The following RALGAPA1 variants were observed in gnomAD, a reference collection of about 807,000 sequenced individuals.
RALGAPA1 encodes the protein ral GTPase-activating protein subunit alpha-1.
Under a neutral mutation model 269.6 loss-of-function variants are expected in RALGAPA1, and 52 were observed. That is an observed-to-expected ratio of 0.19 (90% confidence interval 0.15 to 0.24). The LOEUF is 0.24. Among genes scored for constraint, RALGAPA1 ranks in the 10% least tolerant of loss-of-function variants. The pLI is 1.00. For missense variants in RALGAPA1, 1,917 were observed against 3,013.9 expected (o/e 0.64, Z 8.52); for synonymous variants, 817 against 1,008.3 (o/e 0.81, Z 3.60).
intron 41 of RALGAPA1, among the ~76,000 whole-genome samples, chr14:35,543,984 C>T (rs1859442245): frequency 6.6e-6 from 1 of 152,162 alleles, no homozygotes; most frequent in Admixed American, 6.5e-5. Context: ...TAAAGGCAAA[C>T]ATGTGGTTTC....
At chr14:35,626,692 T>C (rs1162833317) in intron 34 of RALGAPA1, among the ~76,000 whole-genome samples, 2 of 152,160 alleles carry the variant, frequency 1.3e-5, no homozygotes, top group Admixed American at 6.6e-5. Flanking sequence ...GTAACATGCA[T>C]CAGAAAACAA....
chr14:35,616,956 G>C (rs1263159781), intron 35 of RALGAPA1, among the ~76,000 whole-genome samples: 1 of 152,126 alleles, frequency 6.6e-6, no homozygotes, highest in African/African-American at 2.4e-5. Context: ...AGAACCCACA[G>C]ACTACTTAGA....
chr14:35,548,808 C>T (rs1273058202), intron 40 of RALGAPA1, among the ~76,000 whole-genome samples: 1 of 152,086 alleles, frequency 6.6e-6, no homozygotes, highest in Admixed American at 6.6e-5. Flanking sequence ...AGAGTGCATG[C>T]TTAATTTGTA....
At chr14:35,630,971 C>G (rs1240695386) in intron 33 of RALGAPA1, among the ~76,000 whole-genome samples, 1 of 151,968 alleles carries the variant, frequency 6.6e-6, no homozygotes, top group Non-Finnish European at 1.5e-5. Context: ...CCATTCAATA[C>G]TAGATTAATA....
chr14:35,549,363 A>C, intron 39 of RALGAPA1, 129 bp from the exon 40 acceptor site: 1 of 950,522 alleles, frequency 1.1e-6, no homozygotes, highest in Non-Finnish European at 1.5e-6. Context: ...AATTATTCTT[A>C]TATATTGTTA....
intron 1 of RALGAPA1, among the ~76,000 whole-genome samples, chr14:35,784,974 G>A (rs2075698405): frequency 6.6e-6 from 1 of 152,070 alleles, no homozygotes; most frequent in Non-Finnish European, 1.5e-5. Context: ...CTTGAGGCCA[G>A]GGGTTTGAAA....
intron 36 of RALGAPA1, among the ~76,000 whole-genome samples, chr14:35,599,748 C>G (rs181909247): frequency 1.3e-5 from 2 of 152,154 alleles, no homozygotes; most frequent in Non-Finnish European, 2.9e-5. Context: ...TGAGACTCCA[C>G]CTCAAAACAA....
At chr14:35,635,168 T>C (rs749469003) in intron 32 of RALGAPA1, among the ~76,000 whole-genome samples, 5 of 132,282 alleles carry the variant, frequency 3.8e-5, no homozygotes, top group Non-Finnish European at 7.5e-5. Context: ...TGAAACTCCG[T>C]TTCAATAAAA....
At chr14:35,733,883 C>T (rs2070733225) in intron 12 of RALGAPA1, among the ~76,000 whole-genome samples, 1 of 152,020 alleles carries the variant, frequency 6.6e-6, no homozygotes, top group Non-Finnish European at 1.5e-5. Context: ...ACAGGAGATA[C>T]ACCAACAGCA....
At chr14:35,628,319 G>T (rs2061117387) in intron 33 of RALGAPA1, among the ~76,000 whole-genome samples, 1 of 152,100 alleles carries the variant, frequency 6.6e-6, no homozygotes, top group Non-Finnish European at 1.5e-5. Flanking sequence ...GGAGGCTGAG[G>T]CGGGAGGATT....
At position 35,668,752 on chromosome 14, in the gene RALGAPA1, C is replaced by A. The variant is rs543157741; in HGVS notation, c.5202+2637G>T. Reference sequence around the variant, plus strand: ...CCCAGGAGGTAAAGGCTGCAGTGAGCCTCGATTGTGCCACTGCACTCCAAT... The same window carrying A: ...CCCAGGAGGTAAAGGCTGCAGTGAGACTCGATTGTGCCACTGCACTCCAAT... On this transcript the variant is annotated intron_variant, in intron 26 of 41. Coordinates refer to ENST00000680220, the MANE Select transcript of RALGAPA1 (RefSeq NM_001346249.2). Among the ~76,000 whole-genome samples the A allele has an allele frequency of 3.3e-5, 5 of 152,242 alleles. No homozygotes were observed. The South Asian group carries it at 1.0e-3, about 32-fold the overall frequency.
intron 1 of RALGAPA1, among the ~76,000 whole-genome samples, chr14:35,794,395 C>G (rs2076409391): frequency 1.3e-5 from 2 of 152,112 alleles, no homozygotes; most frequent in South Asian, 2.1e-4. Flanking sequence ...AGGCAGGTTA[C>G]AGTTCACACA....
At chr14:35,656,422 C>A (rs1169935139) in intron 28 of RALGAPA1, among the ~76,000 whole-genome samples, 1 of 152,034 alleles carries the variant, frequency 6.6e-6, no homozygotes. Context: ...AGAAACAGAA[C>A]TTGTAGAATT....
intron 37 of RALGAPA1, among the ~76,000 whole-genome samples, chr14:35,590,522 T>C (rs2058570458): frequency 6.6e-6 from 1 of 152,154 alleles, no homozygotes; most frequent in Non-Finnish European, 1.5e-5. Context: ...CTGATGGTTT[T>C]ATAAGGGTTT....
chr14:35,717,658 C>CTTGT (rs1323583132), intron 16 of RALGAPA1, among the ~76,000 whole-genome samples: 1 of 152,070 alleles, frequency 6.6e-6, no homozygotes, highest in East Asian at 1.9e-4. Flanking sequence ...TCAAGCAAAT[C>CTTGT]TTGTACCTCA....
intron 31 of RALGAPA1, among the ~76,000 whole-genome samples, chr14:35,641,368 T>C (rs1432622947): frequency 6.6e-6 from 1 of 152,156 alleles, no homozygotes; most frequent in African/African-American, 2.4e-5. Context: ...AAATAACTAT[T>C]AGAACTGATA....
chr14:35,768,923 G>A (rs1350175500), intron 4 of RALGAPA1, among the ~76,000 whole-genome samples: 4 of 143,038 alleles, frequency 2.8e-5, no homozygotes, highest in South Asian at 2.3e-4. Flanking sequence ...CAGGAAGATC[G>A]CTTGAATCTG....
chr14:35,563,576 C>T (rs2056462747), intron 39 of RALGAPA1, among the ~76,000 whole-genome samples: 1 of 152,056 alleles, frequency 6.6e-6, no homozygotes, highest in Non-Finnish European at 1.5e-5. Context: ...AAAAAATTTA[C>T]ACTTGTTTCA....
At chr14:35,619,420 A>G (rs2060464209) in intron 35 of RALGAPA1, among the ~76,000 whole-genome samples, 1 of 152,224 alleles carries the variant, frequency 6.6e-6, no homozygotes, top group Non-Finnish European at 1.5e-5. Flanking sequence ...TCGACACCCT[A>G]ACATCACGAT....
Sources: gnomAD v4.1 joint callset for allele counts (sites outside exome capture counted in the v4.1 genomes callset) on GRCh38, gnomAD v4.1.1 for gene constraint, MANE v1.5 for transcripts, NCBI Gene and HGNC (gene_info 2026-07-23, HGNC 2026-07-21) for gene names.